Variants in FAM227B observed in about 807,000 individuals in gnomAD.
FAM227B encodes protein FAM227B.
FAM227B carries 88 observed loss-of-function variants against 73.8 expected under a neutral mutation model. The observed-to-expected ratio is 1.19, with a 90% CI of 1.00 to 1.42. The LOEUF (loss-of-function observed/expected upper bound fraction) is 1.42, where lower values mean the gene tolerates loss of function less well. Among genes scored for constraint, FAM227B ranks in the 40% most tolerant of loss-of-function variants. The probability of loss-of-function intolerance (pLI) is 0.00; values close to 1 mark genes in which losing one functional copy is unlikely to be tolerated. For missense variants in FAM227B, 632 were observed against 590.9 expected (o/e 1.07, Z -0.72); for synonymous variants, 210 against 190.5 (o/e 1.10, Z -0.84).
At position 49,331,817 on chromosome 15, in the gene FAM227B, T is replaced by A; in HGVS notation, c.1382A>T (p.Glu461Val). The change falls in exon 15 of 16, where the codon GAA becomes GTA. Residue 461 changes from glutamate (E) to valine (V), a missense_variant. Physicochemically the swap from Glu to Val is moderately radical, Grantham distance 121 (BLOSUM62 -2). Coordinates refer to ENST00000299338, the MANE Select transcript of FAM227B (RefSeq NM_152647.3). ...GAACTTCTCAAAGTCCTGTTTCACT[T>A]CATGAGGTTTCTTGGTAGCCTTTGC... The part of the protein sequence containing the change: ...LQAKATKKPH[E>V]VKQDFEKFLH... The A allele has an allele frequency of 6.2e-7, 1 of 1,611,756 alleles. No homozygotes were observed. The highest frequency in any genetic ancestry group is 8.5e-7 in the Non-Finnish European group (1 of 1,177,910).
chr15:49,473,357 A>C (rs1297267707), intron 11 of FAM227B, among the ~76,000 whole-genome samples: 1 of 152,184 alleles, frequency 6.6e-6, no homozygotes, highest in Non-Finnish European at 1.5e-5. Context: ...AGTATAAAGA[A>C]CATTGAGTTA....
chr15:49,539,991 A>G (rs1357671681), intron 10 of FAM227B, among the ~76,000 whole-genome samples: 2 of 152,160 alleles, frequency 1.3e-5, no homozygotes, highest in Non-Finnish European at 2.9e-5. Flanking sequence ...AGTCTGTGGC[A>G]TGCATGGTTT....
intron 10 of FAM227B, among the ~76,000 whole-genome samples, chr15:49,532,162 C>G (rs925919093): frequency 8.6e-5 from 13 of 150,946 alleles, no homozygotes; most frequent in Admixed American, 6.0e-4. Context: ...TTTTGAATGG[C>G]TTGGGAGCAC....
At chr15:49,422,145 A>AGAGAGAGTGT (rs757128514) in intron 11 of FAM227B, among the ~76,000 whole-genome samples, 1 of 139,822 alleles carries the variant, frequency 7.2e-6, no homozygotes, top group African/African-American at 2.5e-5. Flanking sequence ...AGAGAGAGAG[A>AGAGAGAGTGT]GTGTGTGTGT....
chr15:49,506,986 G>A (rs1314319958), intron 11 of FAM227B, among the ~76,000 whole-genome samples: 1 of 151,940 alleles, frequency 6.6e-6, no homozygotes, highest in Admixed American at 6.6e-5. Flanking sequence ...TCTCAATTTA[G>A]TTATTCATAT....
chr15:49,367,404 T>C (rs770591797), intron 13 of FAM227B, 44 bp downstream of exon 13: 7 of 1,470,228 alleles, frequency 4.8e-6, no homozygotes, highest in South Asian at 1.4e-5. Context: ...TTGAATATTA[T>C]TTTTGAAAGA....
intron 11 of FAM227B, among the ~76,000 whole-genome samples, chr15:49,495,731 A>G (rs974341810): frequency 2.0e-5 from 3 of 152,142 alleles, no homozygotes; most frequent in Admixed American, 2.0e-4. Flanking sequence ...AGAGGTGCAA[A>G]CTAAAATCCG....
At chr15:49,591,029 G>GTT (rs71424023) in intron 3 of FAM227B, among the ~76,000 whole-genome samples, 8,665 of 105,262 alleles carry the variant, frequency 0.082, 471 homozygotes, top group East Asian at 0.24. Flanking sequence ...TCTTTTTTTT[G>GTT]TTTTTTTTTT....
rs1262702848 is a variant in FAM227B, at chr15:49,520,058, CAT to C, written c.875-11712_875-11711del. On this transcript the variant is annotated intron_variant, in intron 10 of 15. Coordinates refer to ENST00000299338, the MANE Select transcript of FAM227B (RefSeq NM_152647.3). ...ATTTCTTCTGCTAGATACTCTAAAT[CAT>C]CTCTCTCAAGTTCAAAGTTCCACAG... Among the ~76,000 whole-genome samples, 5 of 152,160 alleles carry C rather than the reference CAT, an allele frequency of 3.3e-5. No individual in the cohort carries two copies. In the East Asian group the frequency reaches 9.6e-4, roughly 29 times the overall value.
At chr15:49,448,785 A>G (rs1239804452) in intron 11 of FAM227B, among the ~76,000 whole-genome samples, 3 of 151,756 alleles carry the variant, frequency 2.0e-5, no homozygotes, top group Non-Finnish European at 4.4e-5. Context: ...CCAGTAGTCT[A>G]AGCAACCCAA....
At chr15:49,436,707 G>T (rs2051138466) in intron 11 of FAM227B, among the ~76,000 whole-genome samples, 1 of 151,546 alleles carries the variant, frequency 6.6e-6, no homozygotes, top group African/African-American at 2.4e-5. Context: ...AGGTTACATA[G>T]CTAGTAACTG....
At chr15:49,611,131 A>G in intron 3 of FAM227B, 84 bp downstream of exon 3, 1 of 811,740 alleles carries the variant, frequency 1.2e-6, no homozygotes, top group Middle Eastern at 2.5e-4. Context: ...TTCTAGTCTT[A>G]AAGTTTATTC....
chr15:49,406,345 G>A (rs2048506400), intron 11 of FAM227B, among the ~76,000 whole-genome samples: 1 of 152,194 alleles, frequency 6.6e-6, no homozygotes, highest in African/African-American at 2.4e-5. Context: ...CACAGTGGCA[G>A]AGGCAATATG....
chr15:49,610,634 A>G (rs2077844466), intron 3 of FAM227B, among the ~76,000 whole-genome samples: 1 of 152,082 alleles, frequency 6.6e-6, no homozygotes, highest in African/African-American at 2.4e-5. Context: ...TGTTTTCTAT[A>G]CTGACATCTT....
chr15:49,568,976 T>C (rs900441748), intron 8 of FAM227B, among the ~76,000 whole-genome samples: 3 of 151,970 alleles, frequency 2.0e-5, no homozygotes, highest in African/African-American at 7.2e-5. Flanking sequence ...TCTTTAAATG[T>C]TGGTAGAATT....
At chr15:49,492,410 C>T (rs1307845695) in intron 11 of FAM227B, among the ~76,000 whole-genome samples, 1 of 151,716 alleles carries the variant, frequency 6.6e-6, no homozygotes, top group African/African-American at 2.4e-5. Context: ...TTCTTTATTC[C>T]TGTCTGTTAT....
chr15:49,527,295 C>T (rs777367410), intron 10 of FAM227B, among the ~76,000 whole-genome samples: 1 of 151,750 alleles, frequency 6.6e-6, no homozygotes, highest in African/African-American at 2.4e-5. Context: ...ACCATCCAAT[C>T]ATCTCAATAT....
intron 11 of FAM227B, among the ~76,000 whole-genome samples, chr15:49,438,899 GA>G (rs1230767078): frequency 6.6e-6 from 1 of 151,332 alleles, no homozygotes; most frequent in African/African-American, 2.4e-5. Flanking sequence ...AAAAGAGAGA[GA>G]AAAAGAGAGA....
At position 49,615,239 on chromosome 15, in the gene FAM227B, C is replaced by T. The variant is rs568741794; in HGVS notation, c.-68G>A. 5.0e-5 allele frequency: 70 copies of T among 1,395,820 alleles called. No individual in the cohort carries two copies. In the African/African-American group the frequency reaches 9.0e-4, roughly 18 times the overall value. The allele number at this position is 1,395,820 out of a possible 1,614,324, so 86.5% of individuals were successfully genotyped here. ...TTAGGCTTCAATGTGAGTTGGGCGA[C>T]CAAACTGGGGTATGAAAGACACCCA... On this transcript the variant is annotated 5_prime_UTR_variant, in exon 2 of 16. Transcript: ENST00000299338.
Sources: gnomAD v4.1 joint callset for allele counts (sites outside exome capture counted in the v4.1 genomes callset) on GRCh38, gnomAD v4.1.1 for gene constraint, MANE v1.5 for transcripts, NCBI Gene and HGNC (gene_info 2026-07-23, HGNC 2026-07-21) for gene names.